PAK3: variants seen among roughly 807,000 people sequenced by gnomAD.
PAK3 encodes p21 (RAC1) activated kinase 3, also known as serine/threonine-protein kinase PAK 3.
PAK3 carries 4 observed loss-of-function variants against 41.0 expected under a neutral mutation model. The observed-to-expected ratio is 0.10, with a 90% CI of 0.05 to 0.22. The LOEUF is 0.22. Among genes scored for constraint, PAK3 ranks in the 10% least tolerant of loss-of-function variants. The probability of loss-of-function intolerance (pLI) is 1.00; values close to 1 mark genes in which losing one functional copy is unlikely to be tolerated. For missense variants in PAK3, 205 were observed against 409.9 expected (o/e 0.50, Z 4.32); for synonymous variants, 146 against 139.6 (o/e 1.05, Z -0.32).
intron 6 of PAK3, chrX:111,144,831 T>A: frequency 1.1e-6 from 1 of 942,970 alleles, no homozygotes; most frequent in Non-Finnish European, 1.5e-6. Flanking sequence ...TCATCCTTTA[T>A]ATTGCCATTT....
rs910855691 is a variant in PAK3 at position 111,170,591 on chromosome X, T to C, written c.767-2427T>C. Among the ~76,000 whole-genome samples the C allele has an allele frequency of 2.7e-5, 3 of 111,590 alleles. No homozygotes were observed. In the Admixed American group the frequency reaches 2.9e-4, roughly 11 times the overall value. On this transcript the variant is annotated intron_variant, in intron 10 of 17. Coordinates refer to ENST00000372007, the MANE Select transcript of PAK3 (RefSeq NM_002578.5). Reference sequence around the variant, plus strand: ...ATTTAATCAACAAATATTTGTTTAGTAGCAGCCACTGTTCTAGGCTCCAAA... The same window carrying C: ...ATTTAATCAACAAATATTTGTTTAGCAGCAGCCACTGTTCTAGGCTCCAAA...
chrX:111,224,058 A>G lies in PAK3; in HGVS notation c.*3611A>G, dbSNP rs1009878738. ...CCAGAAGCAGATGCCTTCTGGCCAG[A>G]GCGCAGAGCATGCAGGGCAGAGATA... On this transcript the variant is annotated 3_prime_UTR_variant, in exon 18 of 18. Coordinates refer to ENST00000372007, the MANE Select transcript of PAK3 (RefSeq NM_002578.5). 1 of 112,295 alleles carries G rather than the reference A, an allele frequency of 8.9e-6. No individual in the cohort carries two copies. The highest frequency in any genetic ancestry group is 1.9e-5 in the Non-Finnish European group (1 of 53,284). 9.3% of individuals were successfully genotyped at this position (112,295 alleles called of 1,213,427 possible).
intron 5 of PAK3, among the ~76,000 whole-genome samples, chrX:111,135,090 G>A (rs2093770320): frequency 9.0e-6 from 1 of 110,930 alleles, no homozygotes; most frequent in African/African-American, 3.3e-5. Flanking sequence ...GAGGGGGAAA[G>A]AGACCAGTCA....
intron 5 of PAK3, among the ~76,000 whole-genome samples, chrX:111,134,370 C>T (rs1350339139): frequency 8.9e-6 from 1 of 112,430 alleles, no homozygotes; most frequent in Admixed American, 9.4e-5. Flanking sequence ...TCTTGGCAGA[C>T]ATCGATCATC....
intron 1 of PAK3, among the ~76,000 whole-genome samples, chrX:111,019,645 G>A (rs1258950485): frequency 3.2e-5 from 3 of 95,159 alleles, no homozygotes; most frequent in African/African-American, 1.2e-4. Context: ...ACCTGTGGTT[G>A]TGCCACTGCA....
rs1481469325 is a variant in PAK3, at chrX:111,005,642, G to A, written c.-28+61014G>A. On this transcript the variant is annotated intron_variant, in intron 1 of 14. Coordinates refer to the PAK3 transcript ENST00000425146. ...GCTAGGGAAACTTTGTGGCAAGCCC[G>A]AAGAGAAATTTGGCCCTTATGGTAA... Among the ~76,000 whole-genome samples the A allele has an allele frequency of 7.2e-5, 8 of 111,553 alleles. No homozygotes were observed. The South Asian group carries it at 1.5e-3, about 21-fold the overall frequency.
intron 16 of PAK3, among the ~76,000 whole-genome samples, chrX:111,208,934 C>CGTAT (rs2094787405): frequency 9.6e-6 from 1 of 104,381 alleles, no homozygotes; most frequent in African/African-American, 3.6e-5. Context: ...CGAGGAATGA[C>CGTAT]GTGTGTGTGT....
At chrX:111,199,489 A>G (rs2149342154) in intron 16 of PAK3, among the ~76,000 whole-genome samples, 1 of 111,447 alleles carries the variant, frequency 9.0e-6, no homozygotes, top group Non-Finnish European at 1.9e-5. Context: ...TTATTACATG[A>G]CATGGTTAAA....
chrX:111,143,267 GA>G (rs2093898153), intron 6 of PAK3, among the ~76,000 whole-genome samples: 1 of 110,947 alleles, frequency 9.0e-6, no homozygotes, highest in African/African-American at 3.3e-5. Context: ...TGATTAAGCG[GA>G]AAAAAAGAAG....
intron 10 of PAK3, among the ~76,000 whole-genome samples, chrX:111,167,692 G>A (rs2094277288): frequency 9.7e-6 from 1 of 103,376 alleles, no homozygotes; most frequent in South Asian, 4.9e-4. Flanking sequence ...CATGGACACA[G>A]GGAGGGGAAT....
chrX:110,971,465 C>A (rs184082718), intron 1 of PAK3, among the ~76,000 whole-genome samples: 5 of 112,037 alleles, frequency 4.5e-5, no homozygotes, highest in Non-Finnish European at 9.4e-5. Flanking sequence ...ATGCACATAC[C>A]ATAATTTGTT....
intron 16 of PAK3, among the ~76,000 whole-genome samples, chrX:111,208,856 T>C (rs1010602196): frequency 3.6e-5 from 4 of 111,492 alleles, no homozygotes; most frequent in African/African-American, 1.3e-4. Context: ...AGGTTTTATA[T>C]GAGGAACTTG....
intron 1 of PAK3, among the ~76,000 whole-genome samples, chrX:111,055,885 A>G (rs2092601079): frequency 1.8e-5 from 2 of 111,669 alleles, no homozygotes; most frequent in African/African-American, 6.5e-5. Context: ...GAAACAGCCT[A>G]TGAACAGACC....
intron 1 of PAK3, among the ~76,000 whole-genome samples, chrX:111,031,385 T>C (rs1268314518): frequency 1.8e-5 from 2 of 111,555 alleles, no homozygotes; most frequent in Non-Finnish European, 3.8e-5. Context: ...AGGAAACAAA[T>C]GAAGGGATTC....
rs760402584 is a variant in PAK3, at chrX:111,013,128, C to A, written c.-28+68500C>A. On this transcript the variant is annotated intron_variant, in intron 1 of 14. Coordinates refer to the PAK3 transcript ENST00000425146. ...AAAATTCTGCTCACATGCCACTTTC[C>A]AGGCATAAAATATCTGTATCAAGAT... Among the ~76,000 whole-genome samples the A allele has an allele frequency of 6.2e-5, 7 of 112,278 alleles. No individual in the cohort carries two copies. The East Asian group carries it at 1.4e-3, about 22-fold the overall frequency.
chrX:111,194,669 G>A (rs978017403), intron 14 of PAK3, among the ~76,000 whole-genome samples: 2 of 111,579 alleles, frequency 1.8e-5, no homozygotes, highest in Non-Finnish European at 3.8e-5. Flanking sequence ...GTGAGGTGCC[G>A]TATCTAAACC....
intron 6 of PAK3, chrX:111,146,423 C>T: frequency 1.0e-5 from 6 of 586,206 alleles, no homozygotes; most frequent in Non-Finnish European, 1.4e-5. Context: ...AAGGGACTCC[C>T]CCCATTCAGA....
chrX:111,147,638 C>T, intron 6 of PAK3, 99 bp from the exon 7 acceptor site: 1 of 605,438 alleles, frequency 1.7e-6, no homozygotes, highest in South Asian at 2.2e-5. Flanking sequence ...TGTAATCCTA[C>T]AGGTAGCATG....
At chrX:111,161,237 T>A (rs1603329164) in intron 8 of PAK3, among the ~76,000 whole-genome samples, 1 of 112,424 alleles carries the variant, frequency 8.9e-6, no homozygotes, top group Admixed American at 9.4e-5. Flanking sequence ...CATTTTTTCA[T>A]GTGTTTTTTG....
Sources: gnomAD v4.1 joint callset for allele counts (sites outside exome capture counted in the v4.1 genomes callset) on GRCh38, gnomAD v4.1.1 for gene constraint, MANE v1.5 for transcripts, NCBI Gene and HGNC (gene_info 2026-07-23, HGNC 2026-07-21) for gene names.